The following PEBP4 variants were observed in gnomAD, a reference collection of about 807,000 sequenced individuals.
The protein encoded by PEBP4 is phosphatidylethanolamine binding protein 4.
Under a neutral mutation model 23.9 loss-of-function variants are expected in PEBP4, and 22 were observed. That is an observed-to-expected ratio of 0.92 (90% CI 0.66 to 1.31). The LOEUF (loss-of-function observed/expected upper bound fraction) is 1.31. Ranked by LOEUF, PEBP4 falls within the 40% of genes most tolerant of loss-of-function variation. PEBP4 has a pLI of 0.00. For synonymous variants in PEBP4, 112 were observed against 99.3 expected (o/e 1.13, Z -0.76); for missense variants, 324 against 281.7 (o/e 1.15, Z -1.07).
At chr8:22,859,600 G>A (rs777035493) in intron 3 of PEBP4, among the ~76,000 whole-genome samples, 1 of 152,204 alleles carries the variant, frequency 6.6e-6, no homozygotes, top group Admixed American at 6.5e-5. Flanking sequence ...CGGCTGTCTA[G>A]TAGCCAAGAT....
intron 3 of PEBP4, among the ~76,000 whole-genome samples, chr8:22,916,028 G>GA (rs945441835): frequency 1.3e-5 from 2 of 152,242 alleles, no homozygotes; most frequent in African/African-American, 4.8e-5. Flanking sequence ...GGGCTGGCAT[G>GA]AAATGCACTG....
chr8:22,804,556 A>C (rs1365691210), intron 4 of PEBP4, among the ~76,000 whole-genome samples: 33 of 152,210 alleles, frequency 2.2e-4, no homozygotes, highest in Non-Finnish European at 2.1e-4. Flanking sequence ...GGTACTACTA[A>C]GTATAGGCAC....
chr8:22,726,239 G>A (rs1294013404), intron 5 of PEBP4, among the ~76,000 whole-genome samples: 1 of 152,210 alleles, frequency 6.6e-6, no homozygotes, highest in Admixed American at 6.5e-5. Flanking sequence ...AGACTTCTGA[G>A]CACAGGTGGG....
intron 2 of PEBP4, among the ~76,000 whole-genome samples, chr8:22,923,628 T>C (rs1809257812): frequency 6.6e-6 from 1 of 152,164 alleles, no homozygotes; most frequent in African/African-American, 2.4e-5. Context: ...GAATTTCAGC[T>C]GCCCCTCAGT....
At chr8:22,907,976 G>A (rs534948411) in intron 3 of PEBP4, among the ~76,000 whole-genome samples, 34 of 151,608 alleles carry the variant, frequency 2.2e-4, no homozygotes, top group African/African-American at 7.8e-4. Context: ...TTGTGCTACT[G>A]CACTCCTGCA....
chr8:22,814,311 C>G (rs1806694210), intron 4 of PEBP4, among the ~76,000 whole-genome samples: 1 of 152,134 alleles, frequency 6.6e-6, no homozygotes. Context: ...GAATAGTGTT[C>G]TATATATATT....
chr8:22,853,541 G>A (rs1254756068), intron 3 of PEBP4, among the ~76,000 whole-genome samples: 1 of 152,212 alleles, frequency 6.6e-6, no homozygotes, highest in Non-Finnish European at 1.5e-5. Flanking sequence ...TTCAGAGAGA[G>A]GGTCAAAAAG....
intron 2 of PEBP4, among the ~76,000 whole-genome samples, chr8:22,925,815 G>T (rs1809314890): frequency 6.6e-6 from 1 of 152,170 alleles, no homozygotes; most frequent in Non-Finnish European, 1.5e-5. Flanking sequence ...CCTGGTTACG[G>T]GGGTGTTGAC....
chr8:22,894,417 A>C (rs1808553837), intron 3 of PEBP4, among the ~76,000 whole-genome samples: 1 of 151,916 alleles, frequency 6.6e-6, no homozygotes, highest in Non-Finnish European at 1.5e-5. Context: ...ACAAAAAATA[A>C]AAAATAAATA....
At chr8:22,894,149 A>T (rs995666849) in intron 3 of PEBP4, among the ~76,000 whole-genome samples, 1 of 152,138 alleles carries the variant, frequency 6.6e-6, no homozygotes, top group Non-Finnish European at 1.5e-5. Context: ...CCCATTGAAG[A>T]TAAGAGTTTG....
intron 4 of PEBP4, among the ~76,000 whole-genome samples, chr8:22,782,904 T>C (rs193225016): frequency 6.6e-6 from 1 of 152,328 alleles, no homozygotes; most frequent in East Asian, 1.9e-4. Flanking sequence ...TCCTGGCGTT[T>C]GCTTCTGCCA....
chr8:22,823,985 A>G (rs908042678), intron 3 of PEBP4, among the ~76,000 whole-genome samples: 2 of 152,148 alleles, frequency 1.3e-5, no homozygotes, highest in Non-Finnish European at 2.9e-5. Context: ...TCGAGTTTTT[A>G]AGGTATGTAG....
At chr8:22,814,584 G>A (rs1355180716) in intron 4 of PEBP4, among the ~76,000 whole-genome samples, 1 of 152,136 alleles carries the variant, frequency 6.6e-6, no homozygotes, top group Non-Finnish European at 1.5e-5. Context: ...TATGGCCATG[G>A]CCTGATCAAC....
At chr8:22,734,637 G>T (rs113725055) in intron 4 of PEBP4, among the ~76,000 whole-genome samples, 3 of 152,262 alleles carry the variant, frequency 2.0e-5, no homozygotes, top group African/African-American at 7.2e-5. Context: ...TCCTAGTTTG[G>T]CTTCAAATCT....
intron 4 of PEBP4, among the ~76,000 whole-genome samples, chr8:22,766,897 G>C (rs186169182): frequency 6.6e-6 from 1 of 152,196 alleles, no homozygotes; most frequent in African/African-American, 2.4e-5. Flanking sequence ...GCTTCTGCAA[G>C]CTAACAGCCA....
At chr8:22,799,248 C>A (rs567754333) in intron 4 of PEBP4, among the ~76,000 whole-genome samples, 1 of 152,326 alleles carries the variant, frequency 6.6e-6, no homozygotes, top group South Asian at 2.1e-4. Flanking sequence ...TAGCTTCCTG[C>A]TCTGTTTTCC....
At chr8:22,883,883 T>A (rs1189446555) in intron 3 of PEBP4, 1 of 152,028 alleles carries the variant, frequency 6.6e-6, no homozygotes, top group Non-Finnish European at 1.5e-5. Flanking sequence ...GATTACTGTA[T>A]ACTATTTGCG....
At chr8:22,929,011 C>G (rs1224825693), upstream of PEBP4, among the ~76,000 whole-genome samples, 1 of 152,130 alleles carries the variant, frequency 6.6e-6, no homozygotes, top group Admixed American at 6.5e-5. Flanking sequence ...GAAGTACAAC[C>G]AGGACTCCCC....
intron 4 of PEBP4, among the ~76,000 whole-genome samples, chr8:22,787,709 C>T (rs755373287): frequency 6.6e-6 from 1 of 152,208 alleles, no homozygotes; most frequent in Non-Finnish European, 1.5e-5. Context: ...GAGAAATAAA[C>T]CACCACTACT....
Sources: allele counts gnomAD v4.1 joint callset (sites outside exome capture counted in the v4.1 genomes callset), GRCh38; gene constraint gnomAD v4.1.1; transcripts MANE v1.5; gene names NCBI Gene and HGNC (gene_info 2026-07-23, HGNC 2026-07-21).